ADAMTSL1: variants seen among roughly 807,000 people sequenced by gnomAD.
ADAMTSL1 encodes ADAMTS-like protein 1.
ADAMTSL1 carries 126 observed loss-of-function variants against 201.8 expected under a neutral mutation model. The observed-to-expected ratio is 0.62, with a 90% CI of 0.54 to 0.72. The LOEUF is 0.72. ADAMTSL1 is among the 30% of genes least tolerant of loss of function. ADAMTSL1 has a pLI of 0.00. For synonymous variants in ADAMTSL1, 1,121 were observed against 903.4 expected (o/e 1.24, Z -4.32); for missense variants, 2,679 against 2,277.8 (o/e 1.18, Z -3.59).
chr9:18,660,591 AATT>A (rs1232005255), intron 8 of ADAMTSL1, among the ~76,000 whole-genome samples: 5 of 152,140 alleles, frequency 3.3e-5, no homozygotes, highest in South Asian at 2.1e-4. Flanking sequence ...CCTGTGTAGA[AATT>A]ATTATCTGGA....
intron 15 of ADAMTSL1, among the ~76,000 whole-genome samples, chr9:18,749,095 C>T (rs1368263997): frequency 6.6e-6 from 1 of 152,218 alleles, no homozygotes; most frequent in African/African-American, 2.4e-5. Flanking sequence ...GCTCACCCTA[C>T]TCTAGTTTGA....
intron 1 of ADAMTSL1, among the ~76,000 whole-genome samples, chr9:18,092,024 C>T (rs187525583): frequency 6.6e-6 from 1 of 152,198 alleles, no homozygotes; most frequent in Admixed American, 6.5e-5. Flanking sequence ...TTTGATATTT[C>T]CTCTGATATT....
At chr9:18,014,204 C>G (rs1436636262) in intron 1 of ADAMTSL1, among the ~76,000 whole-genome samples, 7 of 152,040 alleles carry the variant, frequency 4.6e-5, no homozygotes, top group Non-Finnish European at 8.8e-5. Flanking sequence ...CCCCCATACA[C>G]TTCCAGGATG....
At chr9:18,003,349 AATACTCAAGAGAGAGAGG>A (rs1819689438) in intron 1 of ADAMTSL1, among the ~76,000 whole-genome samples, 1 of 152,048 alleles carries the variant, frequency 6.6e-6, no homozygotes, top group South Asian at 2.1e-4. Flanking sequence ...GAAGGTTGCA[AATACTCAAGAGAGAGAGG>A]ATACCATCAT....
intron 16 of ADAMTSL1, among the ~76,000 whole-genome samples, chr9:18,768,800 C>A (rs1820513169): frequency 6.6e-6 from 1 of 152,058 alleles, no homozygotes; most frequent in African/African-American, 2.4e-5. Flanking sequence ...TCCAAACAAC[C>A]ACTGGTCGTA....
intron 7 of ADAMTSL1, among the ~76,000 whole-genome samples, chr9:18,645,144 A>G (rs1211221378): frequency 2.0e-5 from 3 of 152,278 alleles, no homozygotes; most frequent in Non-Finnish European, 2.9e-5. Flanking sequence ...GCCAGTGATG[A>G]TGAGCATTTT....
chr9:18,425,403 A>T (rs202101053), intron 2 of ADAMTSL1, among the ~76,000 whole-genome samples: 1 of 33,290 alleles, frequency 3.0e-5, no homozygotes, highest in East Asian at 0.011. Context: ...GTTCTGTTAG[A>T]ATAGCAAAAA....
intron 2 of ADAMTSL1, among the ~76,000 whole-genome samples, chr9:18,303,994 A>C (rs974383529): frequency 6.6e-6 from 1 of 152,138 alleles, no homozygotes; most frequent in Non-Finnish European, 1.5e-5. Flanking sequence ...CCGTTCCGAC[A>C]GTTACACTGC....
intron 15 of ADAMTSL1, among the ~76,000 whole-genome samples, chr9:18,746,125 G>A (rs1819129024): frequency 6.6e-6 from 1 of 152,202 alleles, no homozygotes; most frequent in Non-Finnish European, 1.5e-5. Context: ...CTTGACACCA[G>A]TGGAGGTTTT....
chr9:18,537,677 A>G (rs1446761242), intron 3 of ADAMTSL1, among the ~76,000 whole-genome samples: 1 of 151,982 alleles, frequency 6.6e-6, no homozygotes, highest in African/African-American at 2.4e-5. Flanking sequence ...GGAGTTTGAG[A>G]CTAGCCTGAG....
intron 2 of ADAMTSL1, among the ~76,000 whole-genome samples, chr9:18,181,514 C>T (rs2132179458): frequency 6.6e-6 from 1 of 151,660 alleles, no homozygotes; most frequent in Non-Finnish European, 1.5e-5. Context: ...GACATTTATG[C>T]AGCCAAAAAA....
At chr9:18,639,843 C>T (rs1425277118) in intron 7 of ADAMTSL1, among the ~76,000 whole-genome samples, 1 of 152,072 alleles carries the variant, frequency 6.6e-6, no homozygotes, top group Non-Finnish European at 1.5e-5. Context: ...TTTGTGCTGG[C>T]AAGAAAACTA....
At chr9:17,950,477 T>C (rs1827690710) in intron 1 of ADAMTSL1, among the ~76,000 whole-genome samples, 1 of 151,772 alleles carries the variant, frequency 6.6e-6, no homozygotes, top group South Asian at 2.1e-4. Context: ...CCTCTCTTTT[T>C]ATACTTTTAT....
chr9:17,927,613 T>C (rs974165654), intron 1 of ADAMTSL1, among the ~76,000 whole-genome samples: 4 of 152,134 alleles, frequency 2.6e-5, no homozygotes, highest in African/African-American at 7.2e-5. Flanking sequence ...GTACTGAATA[T>C]GTACAGACTT....
intron 4 of ADAMTSL1, among the ~76,000 whole-genome samples, chr9:18,617,241 A>T (rs1328522698): frequency 6.6e-6 from 1 of 152,202 alleles, no homozygotes; most frequent in Non-Finnish European, 1.5e-5. Context: ...CTTATGGATT[A>T]TGTTTATTTA....
intron 2 of ADAMTSL1, among the ~76,000 whole-genome samples, chr9:18,515,457 C>G (rs775286720): frequency 6.6e-6 from 1 of 152,122 alleles, no homozygotes; most frequent in Non-Finnish European, 1.5e-5. Flanking sequence ...ATCTCAGCCT[C>G]CCGAGTAGCT....
At chr9:18,670,841 A>G (rs1287003468) in intron 9 of ADAMTSL1, among the ~76,000 whole-genome samples, 1 of 152,192 alleles carries the variant, frequency 6.6e-6, no homozygotes, top group Admixed American at 6.5e-5. Context: ...CTCAGTATCC[A>G]TGGGGGATTG....
At chr9:17,958,736 G>C (rs1828025428) in intron 1 of ADAMTSL1, among the ~76,000 whole-genome samples, 3 of 151,928 alleles carry the variant, frequency 2.0e-5, no homozygotes, top group African/African-American at 7.2e-5. Flanking sequence ...CCATGCCAAA[G>C]AAGGAAAAAA....
intron 2 of ADAMTSL1, among the ~76,000 whole-genome samples, chr9:18,221,685 G>C (rs1830265069): frequency 6.6e-6 from 1 of 151,982 alleles, no homozygotes. Context: ...TTATTTAGAA[G>C]TATGTTTATA....
Sources: gnomAD v4.1 joint callset for allele counts (sites outside exome capture counted in the v4.1 genomes callset) on GRCh38, gnomAD v4.1.1 for gene constraint, MANE v1.5 for transcripts, NCBI Gene and HGNC (gene_info 2026-07-23, HGNC 2026-07-21) for gene names.